TRPV3: variants seen among roughly 807,000 people sequenced by gnomAD.
TRPV3 encodes transient receptor potential cation channel subfamily V member 3.
TRPV3 carries 88 observed loss-of-function variants against 87.1 expected under a neutral mutation model. The ratio of observed to expected loss-of-function variants is 1.01; its 90% CI spans 0.85 to 1.21. The LOEUF (loss-of-function observed/expected upper bound fraction) is 1.21. Ranked by LOEUF, TRPV3 falls within the 50% of genes most tolerant of loss-of-function variation. TRPV3 has a pLI of 0.00. For missense variants in TRPV3, 1,054 were observed against 1,030.1 expected, an observed-to-expected ratio of 1.02 and a Z score of -0.32; for synonymous variants, 438 against 423.3, an observed-to-expected ratio of 1.03 and a Z score of -0.43.
rs776294633 is a variant in TRPV3, at chr17:3,530,103, A to C, written c.1166T>G (p.Leu389Arg). The C allele has an allele frequency of 1.9e-6, 3 of 1,614,094 alleles. No individual in the cohort carries two copies. Among genetic ancestry groups the C allele is most frequent in the East Asian group, 4.5e-5 (2 of 44,868 alleles). ...DWAYGPVSSSLYDLTNVDTTT... is the reference protein window; with the variant it reads ...DWAYGPVSSSRYDLTNVDTTT... Reference sequence around the variant, plus strand: ...GGTGTCCACGTTGGTGAGGTCGTAGAGGGAGGATGACACGGGTCCGTACGC... The same window carrying C: ...GGTGTCCACGTTGGTGAGGTCGTAGCGGGAGGATGACACGGGTCCGTACGC... The change falls in exon 9 of 18, where the codon CTC (leucine) becomes CGC (arginine). Residue 389 changes from leucine (L) to arginine (R), a missense_variant. Coordinates refer to ENST00000576742, the MANE Select transcript of TRPV3 (RefSeq NM_145068.4). The surrounding 1 kb of genome is among the most constrained non-coding windows in gnomAD (Gnocchi z 4.0).
At position 3,532,926 on chromosome 17, in the gene TRPV3, G is replaced by A. The variant is rs749904608; in HGVS notation, c.796C>T (p.Leu266=). Residue 266 remains leucine (L), a synonymous_variant, in exon 8 of 18, where the codon CTG becomes TTG. Coordinates refer to ENST00000576742, the MANE Select transcript of TRPV3 (RefSeq NM_145068.4). ...HEGFYFGETP[L]ALAACTNQPE... The stretch of plus-strand genomic sequence containing the variant: ...TGGTTGGTGCATGCTGCCAGGGCCA[G>A]GGGCGTCTCACCTGGGGGATGAGCG... The A allele has an allele frequency of 6.2e-7, 1 of 1,613,996 alleles. No individual in the cohort carries two copies. The highest frequency in any genetic ancestry group is 1.1e-5 in the South Asian group (1 of 91,076).
chr17:3,519,421 AT>A (rs2074214304), intron 14 of TRPV3, among the ~76,000 whole-genome samples: 1 of 46,500 alleles, frequency 2.2e-5, no homozygotes, highest in African/African-American at 1.2e-4. Flanking sequence ...TGGATGGATG[AT>A]TGGATGGATG....
At chr17:3,524,515 T>C in intron 12 of TRPV3, 152 bp from the exon 13 acceptor site, 2 of 960,202 alleles carry the variant, frequency 2.1e-6, no homozygotes, top group East Asian at 2.7e-5. Flanking sequence ...TCAGATCCAT[T>C]TGGCTACCAT....
chr17:3,534,515 T>A (rs2150793590), intron 7 of TRPV3, among the ~76,000 whole-genome samples: 2 of 152,352 alleles, frequency 1.3e-5, no homozygotes, highest in South Asian at 4.1e-4. Context: ...GAAATTTTTG[T>A]GTGTGACGGA....
At chr17:3,535,192 C>CTCTCCCTTCCTCCT (rs1567638974) in intron 7 of TRPV3, among the ~76,000 whole-genome samples, 2 of 134,546 alleles carry the variant, frequency 1.5e-5, no homozygotes, top group African/African-American at 5.4e-5. Context: ...CCCTTCCTCC[C>CTCTCCCTTCCTCCT]TCTCCCTCCT....
chr17:3,540,858 C>T (rs1347321915), intron 6 of TRPV3, among the ~76,000 whole-genome samples: 3 of 152,178 alleles, frequency 2.0e-5, no homozygotes. Flanking sequence ...CATTGGCTAC[C>T]AGGGAGCTCA....
At chr17:3,520,691 T>C (rs1042136970) in intron 14 of TRPV3, among the ~76,000 whole-genome samples, 13 of 152,144 alleles carry the variant, frequency 8.5e-5, no homozygotes, top group African/African-American at 3.1e-4. Flanking sequence ...TTAGGAGATA[T>C]ACCTAATGTA....
intron 15 of TRPV3, among the ~76,000 whole-genome samples, chr17:3,517,812 T>C (rs1188668305): frequency 4.7e-3 from 8 of 1,720 alleles, no homozygotes; most frequent in Non-Finnish European, 0.045. Flanking sequence ...GAGCATTTCT[T>C]TTTTTTTTTT....
Position 3,524,220 on chromosome 17 carries a change from A to T in TRPV3, c.1721T>A (p.Met574Lys). ...YYTRGFQSMGMYSVMIQKVIL... is the reference protein window; with the variant it reads ...YYTRGFQSMGKYSVMIQKVIL... ...CACCTTCTGGATCATGACGCTGTAC[A>T]TGCCCATGGACTGGAAACCCCGCGT... The change falls in exon 13 of 18, where the codon ATG (methionine) becomes AAG (lysine). Residue 574 changes from methionine (M) to lysine (K), a missense_variant. Physicochemically the swap from Met to Lys is moderately conservative, Grantham distance 95. Transcript: ENST00000576742. 3 of 1,614,216 alleles carry T rather than the reference A, an allele frequency of 1.9e-6. No homozygotes were observed. The South Asian group carries it at 3.3e-5, about 18-fold the overall frequency.
At chr17:3,526,010 T>C (rs1344373684) in intron 12 of TRPV3, among the ~76,000 whole-genome samples, 1 of 152,078 alleles carries the variant, frequency 6.6e-6, no homozygotes, top group Non-Finnish European at 1.5e-5. Context: ...ATAACATCCA[T>C]TATGCAGACA....
At position 3,556,902 on chromosome 17, in the gene TRPV3, G is replaced by A. The variant is rs1316449285; in HGVS notation, c.-3+774C>T. ...CCGAGCGTGAAGGAGACAGAAGAAG[G>A]GCACGTCTCTTGCCCCTCCCAGGGC... On this transcript the variant is annotated intron_variant, in intron 1 of 17. Coordinates refer to ENST00000576742, the MANE Select transcript of TRPV3 (RefSeq NM_145068.4). This position sits in a 1 kb window ranked among gnomAD's most constrained non-coding sequence, Gnocchi z 4.2. Among the ~76,000 whole-genome samples the A allele has an allele frequency of 1.3e-5, 2 of 152,168 alleles. No individual in the cohort carries two copies. Among genetic ancestry groups the A allele is most frequent in the East Asian group, 3.9e-4 (2 of 5,192 alleles).
Position 3,537,858 on chromosome 17 carries a change from C to G in TRPV3, c.644-2145G>C, listed in dbSNP as rs548030594. ...GAGGCAGAGATCGCGCCACTGTACT[C>G]CAGCCTGGGCTAGAGAGCAAGACTC... On this transcript the variant is annotated intron_variant, in intron 6 of 17. Transcript: ENST00000576742. Among the ~76,000 whole-genome samples the G allele has an allele frequency of 1.2e-4, 17 of 143,310 alleles. No homozygotes were observed. The South Asian group carries it at 3.8e-3, about 32-fold the overall frequency. 94.0% of individuals were successfully genotyped at this position (143,310 alleles called of 152,430 possible).
chr17:3,522,331 C>T (rs973182979), intron 13 of TRPV3, among the ~76,000 whole-genome samples: 42 of 152,236 alleles, frequency 2.8e-4, no homozygotes, highest in African/African-American at 8.2e-4. Flanking sequence ...CCCTTCTCTT[C>T]GATTTCACTT....
At chr17:3,540,088 TAAATAAAC>T (rs1396252163) in intron 6 of TRPV3, among the ~76,000 whole-genome samples, 2 of 148,592 alleles carry the variant, frequency 1.3e-5, no homozygotes, top group East Asian at 4.0e-4. Flanking sequence ...AATAAATAAA[TAAATAAAC>T]AAAGTCATTG....
chr17:3,513,931 C>T lies in TRPV3; in HGVS notation c.2359G>A (p.Glu787Lys), dbSNP rs770226132. Reference protein sequence around the residue: ...NAFEEVEEFPETSV With the variant: ...NAFEEVEEFPKTSV ...GGGTTCCGCTTCTACACCGAGGTTT[C>T]CGGGAATTCCTCGACTTCTTCAAAT... The change falls in exon 18 of 18, where the codon GAA becomes AAA. Residue 787 changes from glutamate to lysine, a missense_variant. Transcript: ENST00000576742. The T allele has an allele frequency of 6.2e-7, 1 of 1,614,062 alleles. No homozygotes were observed. The highest frequency in any genetic ancestry group is 8.5e-7 in the Non-Finnish European group (1 of 1,179,938).
At chr17:3,526,127 T>C (rs536426951) in intron 12 of TRPV3, among the ~76,000 whole-genome samples, 1 of 152,196 alleles carries the variant, frequency 6.6e-6, no homozygotes, top group African/African-American at 2.4e-5. Flanking sequence ...ATCTAATTCA[T>C]CAACTGCATT....
rs112437541 is a variant in TRPV3, at chr17:3,519,422, T to A, written c.1811-572A>T. ...GATGGATGGATGGATGGATGGATGA[T>A]TGGATGGATGGATGGATGGATGGAT... On this transcript the variant is annotated intron_variant, in intron 14 of 17. Transcript: ENST00000576742. Among the ~76,000 whole-genome samples, 458 of 111,146 alleles carry A rather than the reference T, an allele frequency of 4.1e-3. 5 individuals carry two copies. Among genetic ancestry groups the A allele is most frequent in the African/African-American group, 0.014 (401 of 27,874 alleles). The allele number at this position is 111,146 out of a possible 152,430, so 72.9% of individuals were successfully genotyped here.
chr17:3,515,435 T>C (rs533003325), intron 16 of TRPV3, among the ~76,000 whole-genome samples: 1 of 151,454 alleles, frequency 6.6e-6, no homozygotes, highest in African/African-American at 2.4e-5. Context: ...CCGAGGGGGG[T>C]GGATCACTTG....
chr17:3,531,360 A>G (rs2074347775), intron 8 of TRPV3, among the ~76,000 whole-genome samples: 1 of 152,212 alleles, frequency 6.6e-6, no homozygotes. Flanking sequence ...CTGGGTTCCC[A>G]TCCCATCTGT....
Sources: allele counts gnomAD v4.1 joint callset (sites outside exome capture counted in the v4.1 genomes callset), GRCh38; gene constraint gnomAD v4.1.1; non-coding constraint Gnocchi (gnomAD v3.1); transcripts MANE v1.5; gene names NCBI Gene and HGNC (gene_info 2026-07-23, HGNC 2026-07-21).